Variants in TRAK2 observed in about 807,000 individuals in gnomAD.
TRAK2 encodes trafficking kinesin-binding protein 2.
TRAK2 carries 81 observed loss-of-function variants against 104.6 expected under a neutral mutation model. The observed-to-expected ratio is 0.77, with a 90% CI of 0.65 to 0.93. The LOEUF is 0.93. TRAK2 is among the 40% of genes least tolerant of loss of function. TRAK2 has a pLI of 0.00. For synonymous variants in TRAK2, 406 were observed against 394.4 expected (o/e 1.03, Z -0.35); for missense variants, 1,002 against 1,089.0 (o/e 0.92, Z 1.12).
At chr2:201,390,399 A>AC (rs563420939) in intron 10 of TRAK2, among the ~76,000 whole-genome samples, 1 of 26,428 alleles carries the variant, frequency 3.8e-5, no homozygotes, top group Non-Finnish European at 1.5e-4. Context: ...AAAAAAATAC[A>AC]AAAAAAAAAA....
intron 2 of TRAK2, among the ~76,000 whole-genome samples, chr2:201,417,410 A>C (rs1053981658): frequency 6.6e-6 from 1 of 152,108 alleles, no homozygotes; most frequent in African/African-American, 2.4e-5. Flanking sequence ...ATCATAACCA[A>C]GTAGTTTTTT....
At chr2:201,440,066 C>T (rs556614599) in intron 1 of TRAK2, among the ~76,000 whole-genome samples, 1 of 149,478 alleles carries the variant, frequency 6.7e-6, no homozygotes, top group Admixed American at 6.7e-5. Context: ...CACATGTACC[C>T]TAAAACTTAA....
chr2:201,448,320 C>T (rs1298596566), intron 1 of TRAK2, among the ~76,000 whole-genome samples: 1 of 152,134 alleles, frequency 6.6e-6, no homozygotes, highest in Non-Finnish European at 1.5e-5. Flanking sequence ...AGCTACATGA[C>T]CTTTGGTATA....
chr2:201,406,758 T>C (rs1033394524), intron 3 of TRAK2, among the ~76,000 whole-genome samples: 1 of 152,242 alleles, frequency 6.6e-6, no homozygotes, highest in African/African-American at 2.4e-5. Flanking sequence ...TCAGCCTTAA[T>C]GCAGATTTTT....
chr2:201,391,114 C>T (rs1160007148), intron 10 of TRAK2, among the ~76,000 whole-genome samples: 3 of 152,120 alleles, frequency 2.0e-5, no homozygotes, highest in Admixed American at 6.5e-5. Context: ...ATCTTGGATT[C>T]GAAATACAAT....
At chr2:201,416,603 C>T (rs1156797750) in intron 2 of TRAK2, among the ~76,000 whole-genome samples, 1 of 151,774 alleles carries the variant, frequency 6.6e-6, no homozygotes, top group Non-Finnish European at 1.5e-5. Flanking sequence ...TTATTTAATT[C>T]ATAATTAGCA....
At chr2:201,405,477 T>TAA (rs1951585919) in intron 3 of TRAK2, among the ~76,000 whole-genome samples, 1 of 152,168 alleles carries the variant, frequency 6.6e-6, no homozygotes, top group African/African-American at 2.4e-5. Context: ...GAAGACTCTT[T>TAA]AAAACACAGG....
Position 201,380,322 on chromosome 2 carries a change from C to T in TRAK2, c.*221G>A. On this transcript the variant is annotated 3_prime_UTR_variant, in exon 16 of 16. Coordinates refer to ENST00000332624, the MANE Select transcript of TRAK2 (RefSeq NM_015049.3). ...GGAGTATATTAAACCTTTCTTTTCTCCCTCTGAACACTCATGGCCCATTCA... is the reference window on the plus strand; with the variant it reads ...GGAGTATATTAAACCTTTCTTTTCTTCCTCTGAACACTCATGGCCCATTCA... 1.7e-6 allele frequency: 1 copy of T among 574,522 alleles called. No individual in the cohort carries two copies. Among genetic ancestry groups the T allele is most frequent in the Admixed American group, 3.0e-5 (1 of 32,956 alleles). 35.6% of individuals were successfully genotyped at this position (574,522 alleles called of 1,614,324 possible).
chr2:201,386,377 C>A lies in TRAK2; in HGVS notation c.1804G>T (p.Asp602Tyr). 6.2e-7 allele frequency: 1 copy of A among 1,614,130 alleles called. No homozygotes were observed. The highest frequency in any genetic ancestry group is 8.5e-7 in the Non-Finnish European group (1 of 1,180,012). ...AAATCTGAGATGTGATAAATAGCAT[C>A]CCCGGGCAACTGGGTAAAGCCTTTA... ...ITKGFTQLPG[D>Y]AIYHISDLEE... The change falls in exon 14 of 16, where the codon GAT becomes TAT. Residue 602 changes from aspartate to tyrosine, a missense_variant. Transcript: ENST00000332624.
At chr2:201,419,474 A>C (rs1474800757) in intron 2 of TRAK2, 1 of 153,486 alleles carries the variant, frequency 6.5e-6, no homozygotes, top group East Asian at 1.9e-4. Context: ...CAGACACAAA[A>C]GACACATTCA....
At chr2:201,412,388 T>C in intron 2 of TRAK2, 2 of 1,332,996 alleles carry the variant, frequency 1.5e-6, no homozygotes, top group Non-Finnish European at 2.2e-6. Context: ...GGAGTTACAT[T>C]TAACAGTAGC....
intron 1 of TRAK2, among the ~76,000 whole-genome samples, chr2:201,439,624 C>CTT: frequency 6.6e-6 from 1 of 151,886 alleles, no homozygotes; most frequent in East Asian, 1.9e-4. Context: ...GGATTATAAA[C>CTT]TTTTAAAGAG....
At chr2:201,434,419 A>C (rs1951867113) in intron 1 of TRAK2, among the ~76,000 whole-genome samples, 1 of 152,184 alleles carries the variant, frequency 6.6e-6, no homozygotes, top group Non-Finnish European at 1.5e-5. Flanking sequence ...ATGCACATAT[A>C]AAACAAACAT....
At chr2:201,420,857 C>CA (rs1213567655) in intron 1 of TRAK2, among the ~76,000 whole-genome samples, 151 bp from the exon 2 acceptor site, 9 of 151,798 alleles carry the variant, frequency 5.9e-5, no homozygotes, top group Non-Finnish European at 1.3e-4. Flanking sequence ...AGAAGTCAGA[C>CA]AAAAAAAGAG....
At chr2:201,394,939 A>G (rs1464800759) in intron 8 of TRAK2, 67 bp from the exon 9 acceptor site, 1 of 1,343,466 alleles carries the variant, frequency 7.4e-7, no homozygotes, top group Non-Finnish European at 1.0e-6. Context: ...TCTTTCTTAT[A>G]AAGACATGTG....
intron 8 of TRAK2, chr2:201,395,086 C>T (rs1028878843): frequency 6.6e-6 from 4 of 606,414 alleles, no homozygotes; most frequent in Non-Finnish European, 1.1e-5. Flanking sequence ...ATTTACACCA[C>T]TTTCTGAGGA....
chr2:201,439,924 G>A (rs1951906823), intron 1 of TRAK2, among the ~76,000 whole-genome samples: 3 of 124,764 alleles, frequency 2.4e-5, no homozygotes, highest in African/African-American at 9.1e-5. Flanking sequence ...TCACACTCTG[G>A]GGACTGTTGT....
chr2:201,440,391 C>T (rs1038324324), intron 1 of TRAK2, among the ~76,000 whole-genome samples: 11 of 152,184 alleles, frequency 7.2e-5, no homozygotes, highest in Admixed American at 6.5e-4. Context: ...TTTGACTGAA[C>T]TCCAGGACCT....
intron 1 of TRAK2, among the ~76,000 whole-genome samples, chr2:201,450,174 T>C (rs1405225246): frequency 6.6e-6 from 1 of 151,714 alleles, no homozygotes; most frequent in Admixed American, 6.6e-5. Context: ...CCCAGCACTT[T>C]GGGAGGCCAA....
Sources: gnomAD v4.1 joint callset for allele counts (sites outside exome capture counted in the v4.1 genomes callset) on GRCh38, gnomAD v4.1.1 for gene constraint, MANE v1.5 for transcripts, NCBI Gene and HGNC (gene_info 2026-07-23, HGNC 2026-07-21) for gene names.